The following HS3ST4 variants were observed in gnomAD, a reference collection of about 807,000 sequenced individuals.
HS3ST4 encodes heparan sulfate glucosamine 3-O-sulfotransferase 4.
Under a neutral mutation model 29.2 loss-of-function variants are expected in HS3ST4, and 17 were observed. The observed-to-expected ratio is 0.58, with a 90% CI of 0.40 to 0.87. The LOEUF is 0.87. HS3ST4 is among the 40% of genes least tolerant of loss of function. The pLI, the probability that HS3ST4 is intolerant of heterozygous loss-of-function variation, is 0.00. For synonymous variants in HS3ST4, 314 were observed against 285.7 expected (o/e 1.10, Z -1.00); for missense variants, 627 against 634.5 (o/e 0.99, Z 0.13).
intron 1 of HS3ST4, among the ~76,000 whole-genome samples, chr16:25,772,258 G>A (rs1350569576): frequency 1.3e-5 from 2 of 152,210 alleles, no homozygotes; most frequent in South Asian, 4.1e-4. Flanking sequence ...CTTAAACTGA[G>A]CCTTGAAGAA....
At chr16:26,003,522 G>A (rs1177819777) in intron 1 of HS3ST4, among the ~76,000 whole-genome samples, 1 of 152,126 alleles carries the variant, frequency 6.6e-6, no homozygotes, top group East Asian at 1.9e-4. Context: ...TCTCCCCTGG[G>A]GAAAGATGAC....
intron 1 of HS3ST4, among the ~76,000 whole-genome samples, chr16:25,734,084 T>TC (rs1258850746): frequency 6.6e-6 from 1 of 152,172 alleles, no homozygotes; most frequent in African/African-American, 2.4e-5. Flanking sequence ...GCCATTGCAC[T>TC]CCAGCCTGGG....
intron 1 of HS3ST4, among the ~76,000 whole-genome samples, chr16:26,113,445 C>CAA (rs68038070): frequency 0.022 from 3,064 of 138,136 alleles, 165 homozygotes; most frequent in African/African-American, 0.07. Flanking sequence ...GACTCTGTCT[C>CAA]AAAAAAAAGA....
At chr16:25,819,753 A>G (rs1228407688) in intron 1 of HS3ST4, among the ~76,000 whole-genome samples, 1 of 152,068 alleles carries the variant, frequency 6.6e-6, no homozygotes, top group Non-Finnish European at 1.5e-5. Flanking sequence ...TTTGACATTC[A>G]TTGGCCTGTC....
At chr16:26,046,713 GTA>G (rs560229651) in intron 1 of HS3ST4, among the ~76,000 whole-genome samples, 140 of 150,154 alleles carry the variant, frequency 9.3e-4, no homozygotes, top group South Asian at 5.7e-3. Flanking sequence ...GTATATATGT[GTA>G]TATATATATA....
chr16:26,030,979 C>T (rs545827183), intron 1 of HS3ST4, among the ~76,000 whole-genome samples: 4 of 152,244 alleles, frequency 2.6e-5, no homozygotes, highest in Admixed American at 6.5e-5. Flanking sequence ...GTGCCTAGCA[C>T]GTAGGACATG....
intron 1 of HS3ST4, among the ~76,000 whole-genome samples, chr16:25,895,377 T>C (rs1596606018): frequency 6.6e-6 from 1 of 152,224 alleles, no homozygotes; most frequent in South Asian, 2.1e-4. Flanking sequence ...TGATTGAATG[T>C]TTTGGTCATG....
At chr16:25,900,144 C>G (rs530070781) in intron 1 of HS3ST4, among the ~76,000 whole-genome samples, 3 of 152,142 alleles carry the variant, frequency 2.0e-5, no homozygotes, top group African/African-American at 7.2e-5. Flanking sequence ...AGGTGTGTAA[C>G]GTTTATCTTG....
At chr16:25,796,937 C>T (rs1966889427) in intron 1 of HS3ST4, among the ~76,000 whole-genome samples, 1 of 152,176 alleles carries the variant, frequency 6.6e-6, no homozygotes, top group African/African-American at 2.4e-5. Flanking sequence ...GCCTTAGTGT[C>T]ATGGGCCACT....
At chr16:26,109,675 C>T (rs1296511926) in intron 1 of HS3ST4, among the ~76,000 whole-genome samples, 2 of 151,838 alleles carry the variant, frequency 1.3e-5, no homozygotes, top group Admixed American at 6.6e-5. Context: ...TTGTCAATGC[C>T]CAGTTCTCCA....
chr16:25,829,237 A>G (rs1967269603), intron 1 of HS3ST4, among the ~76,000 whole-genome samples: 1 of 152,188 alleles, frequency 6.6e-6, no homozygotes, highest in South Asian at 2.1e-4. Flanking sequence ...AATTTACTGT[A>G]TGAAGGAGCA....
intron 1 of HS3ST4, among the ~76,000 whole-genome samples, chr16:25,822,284 C>T (rs1333664261): frequency 1.3e-5 from 2 of 152,128 alleles, no homozygotes; most frequent in African/African-American, 2.4e-5. Flanking sequence ...TTGCCTCACT[C>T]AAGAGGTCTC....
chr16:25,701,637 A>T (rs1317625386), intron 1 of HS3ST4, among the ~76,000 whole-genome samples: 1 of 152,144 alleles, frequency 6.6e-6, no homozygotes, highest in African/African-American at 2.4e-5. Flanking sequence ...CTTGTTATTT[A>T]GTTATTAATT....
intron 1 of HS3ST4, among the ~76,000 whole-genome samples, chr16:25,881,082 A>G (rs926867324): frequency 6.6e-6 from 1 of 152,202 alleles, no homozygotes; most frequent in Non-Finnish European, 1.5e-5. Flanking sequence ...TGCCTTTTCA[A>G]CAATCATTGA....
intron 1 of HS3ST4, among the ~76,000 whole-genome samples, chr16:26,057,269 G>C (rs1898420671): frequency 6.6e-6 from 1 of 152,200 alleles, no homozygotes; most frequent in Non-Finnish European, 1.5e-5. Context: ...ACTTATCCAA[G>C]CTTATCCAAG....
At chr16:25,756,240 C>G (rs4129097) in intron 1 of HS3ST4, among the ~76,000 whole-genome samples, 72,825 of 151,604 alleles carry the variant, frequency 0.48, 18,622 homozygotes, top group Non-Finnish European at 0.57. Flanking sequence ...GTGACCATTA[C>G]TGCAAGGATT....
intron 1 of HS3ST4, among the ~76,000 whole-genome samples, chr16:26,107,463 G>A (rs11867132): frequency 0.039 from 5,872 of 152,190 alleles, 354 homozygotes; most frequent in African/African-American, 0.13. Flanking sequence ...TATAGTAGCA[G>A]AGTCTGATAT....
intron 1 of HS3ST4, among the ~76,000 whole-genome samples, chr16:26,077,613 A>G (rs1387092050): frequency 6.6e-6 from 1 of 152,250 alleles, no homozygotes; most frequent in African/African-American, 2.4e-5. Context: ...GAAAGCAGGA[A>G]CTTCATTGGT....
At chr16:26,066,322 A>G (rs1009945334) in intron 1 of HS3ST4, among the ~76,000 whole-genome samples, 1 of 152,236 alleles carries the variant, frequency 6.6e-6, no homozygotes. Context: ...AAGTTTTTAA[A>G]AAGGAATTTG....
Sources: gnomAD v4.1 joint callset for allele counts (sites outside exome capture counted in the v4.1 genomes callset) on GRCh38, gnomAD v4.1.1 for gene constraint, MANE v1.5 for transcripts, NCBI Gene and HGNC (gene_info 2026-07-23, HGNC 2026-07-21) for gene names.